Variants in TRPM3 observed in about 807,000 individuals in gnomAD.
TRPM3 encodes long transient receptor potential channel 3.
A neutral mutation model predicts 181.2 loss-of-function variants in TRPM3; 77 were observed. The ratio of observed to expected loss-of-function variants is 0.42; its 90% CI spans 0.35 to 0.51. The LOEUF (loss-of-function observed/expected upper bound fraction) is 0.51. TRPM3 is among the 20% of genes least tolerant of loss of function. TRPM3 has a pLI of 0.01. For synonymous variants in TRPM3, 745 were observed against 796.4 expected, an observed-to-expected ratio of 0.94 and a Z score of 1.09; for missense variants, 1,759 against 2,196.7, an observed-to-expected ratio of 0.80 and a Z score of 3.98.
chr9:71,038,899 A>C (rs971097417), intron 1 of TRPM3, among the ~76,000 whole-genome samples: 1 of 152,196 alleles, frequency 6.6e-6, no homozygotes, highest in Non-Finnish European at 1.5e-5. Flanking sequence ...ATGCTCAGTC[A>C]GTTCTAAGGC....
Position 70,877,803 on chromosome 9 carries a change from A to AC in TRPM3, c.178-13293_178-13292insG, listed in dbSNP as rs1167420180. 1.7e-4 allele frequency among the ~76,000 whole-genome samples: 22 copies of AC among 128,388 alleles called. No individual in the cohort carries two copies. The East Asian group carries it at 3.3e-3, about 19-fold the overall frequency. The allele number at this position is 128,388 out of a possible 152,430, so 84.2% of individuals were successfully genotyped here. On this transcript the variant is annotated intron_variant, in intron 1 of 25. Transcript: ENST00000677713. Reference sequence around the variant, plus strand: ...ACCTAAGTGCAAAGAGAAAATCATAAAACACACACACACACACACACACAC... The same window carrying AC: ...ACCTAAGTGCAAAGAGAAAATCATAACAACACACACACACACACACACACAC...
rs574442231 is a variant in TRPM3, at chr9:70,886,954, C to T, written c.178-22443G>A. Among the ~76,000 whole-genome samples the T allele has an allele frequency of 3.9e-5, 6 of 152,230 alleles. No homozygotes were observed. The South Asian group carries it at 8.3e-4, about 21-fold the overall frequency. ...CGCTAGGATTACAGGTGTGAACCACCGTGCCCGGAGAGTCAACACTTATAA... is the reference window on the plus strand; with the variant it reads ...CGCTAGGATTACAGGTGTGAACCACTGTGCCCGGAGAGTCAACACTTATAA... On this transcript the variant is annotated intron_variant, in intron 1 of 25. Coordinates refer to ENST00000677713, the MANE Select transcript of TRPM3 (RefSeq NM_001366145.2).
At chr9:71,182,972 T>G (rs2077484529) in intron 1 of TRPM3, among the ~76,000 whole-genome samples, 1 of 152,084 alleles carries the variant, frequency 6.6e-6, no homozygotes, top group Admixed American at 6.6e-5. Context: ...TATTGAAAAT[T>G]TTTAAAGCCC....
At chr9:70,900,991 C>T (rs967617341) in intron 1 of TRPM3, among the ~76,000 whole-genome samples, 3 of 152,204 alleles carry the variant, frequency 2.0e-5, no homozygotes, top group Non-Finnish European at 4.4e-5. Flanking sequence ...GCAACTTTTT[C>T]TCTCATTTGT....
intron 1 of TRPM3, chr9:70,868,963 A>G: frequency 1.0e-6 from 1 of 983,930 alleles, no homozygotes; most frequent in Non-Finnish European, 1.2e-6. Flanking sequence ...GAACAAGAGA[A>G]AAGTTAGCTG....
At chr9:71,319,239 G>T (rs555797941) in intron 1 of TRPM3, among the ~76,000 whole-genome samples, 64 of 67,802 alleles carry the variant, frequency 9.4e-4, no homozygotes, top group Non-Finnish European at 2.5e-3. Context: ...GACCTAGAAA[G>T]AGGTTAATGA....
chr9:71,357,321 G>C (rs149780593), intron 1 of TRPM3, among the ~76,000 whole-genome samples: 1,905 of 152,206 alleles, frequency 0.013, 21 homozygotes, highest in Middle Eastern at 0.061. Flanking sequence ...TGAAACCAAA[G>C]TTGTGATATT....
At chr9:71,121,065 G>A (rs2073547130) in intron 1 of TRPM3, 113 bp downstream of exon 1, 2 of 997,748 alleles carry the variant, frequency 2.0e-6, no homozygotes, top group Non-Finnish European at 3.0e-6. Context: ...CACAGAGCCA[G>A]TACTGCATGC....
chr9:71,039,460 A>G (rs1195110081), intron 1 of TRPM3, among the ~76,000 whole-genome samples: 1 of 152,198 alleles, frequency 6.6e-6, no homozygotes, highest in East Asian at 1.9e-4. Context: ...ATTTTTCAGA[A>G]ATATAAAATC....
intron 24 of TRPM3, among the ~76,000 whole-genome samples, chr9:70,550,527 A>T (rs1346291866): frequency 6.6e-6 from 1 of 152,234 alleles, no homozygotes; most frequent in Non-Finnish European, 1.5e-5. Context: ...AATAGAAGGT[A>T]AATGGATTCA....
intron 1 of TRPM3, among the ~76,000 whole-genome samples, chr9:71,382,474 A>G (rs923217824): frequency 2.6e-5 from 4 of 152,184 alleles, no homozygotes; most frequent in African/African-American, 9.6e-5. Flanking sequence ...CTCTAGGTAC[A>G]GTGGGATATT....
At chr9:70,641,254 A>T (rs1175973036) in intron 9 of TRPM3, among the ~76,000 whole-genome samples, 1 of 152,168 alleles carries the variant, frequency 6.6e-6, no homozygotes, top group Non-Finnish European at 1.5e-5. Flanking sequence ...TCCCCGACCC[A>T]CTAAACCAGA....
At chr9:70,656,135 G>A (rs1429650636) in intron 9 of TRPM3, among the ~76,000 whole-genome samples, 1 of 152,150 alleles carries the variant, frequency 6.6e-6, no homozygotes, top group Non-Finnish European at 1.5e-5. Flanking sequence ...TATTAGAAAT[G>A]TCTTAAGAAT....
At chr9:70,903,713 G>C (rs1462902939) in intron 1 of TRPM3, among the ~76,000 whole-genome samples, 2 of 152,086 alleles carry the variant, frequency 1.3e-5, no homozygotes, top group Non-Finnish European at 2.9e-5. Context: ...TTATTAGCTA[G>C]AGCCAGTAGA....
chr9:71,125,628 G>C (rs2073985451), upstream of TRPM3, among the ~76,000 whole-genome samples: 1 of 152,018 alleles, frequency 6.6e-6, no homozygotes, highest in South Asian at 2.1e-4. Flanking sequence ...CCATGTCTTT[G>C]CTATTGTGAG....
At chr9:70,805,186 C>T (rs1344166871) in intron 6 of TRPM3, among the ~76,000 whole-genome samples, 1 of 126,892 alleles carries the variant, frequency 7.9e-6, no homozygotes, top group African/African-American at 3.1e-5. Context: ...AGAAGAGAGG[C>T]AGAGGAAGGA....
intron 22 of TRPM3, among the ~76,000 whole-genome samples, chr9:70,589,080 G>A (rs562744165): frequency 3.5e-4 from 53 of 152,338 alleles, no homozygotes; most frequent in African/African-American, 1.3e-3. Context: ...ATACATTGAG[G>A]TTTGGAGTCG....
At chr9:70,699,516 G>A (rs889040985) in intron 8 of TRPM3, among the ~76,000 whole-genome samples, 17 of 152,152 alleles carry the variant, frequency 1.1e-4, no homozygotes, top group Admixed American at 9.2e-4. Flanking sequence ...GACAAGCTAC[G>A]GATGATCTTC....
intron 1 of TRPM3, among the ~76,000 whole-genome samples, chr9:70,889,294 G>C (rs1037188547): frequency 6.6e-6 from 1 of 152,216 alleles, no homozygotes; most frequent in African/African-American, 2.4e-5. Context: ...CCAAGGGGAA[G>C]ACCAGAAGTT....
Sources: allele counts gnomAD v4.1 joint callset (sites outside exome capture counted in the v4.1 genomes callset), GRCh38; gene constraint gnomAD v4.1.1; transcripts MANE v1.5; gene names NCBI Gene and HGNC (gene_info 2026-07-23, HGNC 2026-07-21).